Variants in PARD3B observed in about 807,000 individuals in gnomAD.
PARD3B encodes par-3 family cell polarity regulator beta, also known as partitioning defective 3 homolog B.
In PARD3B, 103 loss-of-function variants were observed where a neutral mutation model predicts 130.2. The observed-to-expected ratio is 0.79, with a 90% CI of 0.67 to 0.93. The LOEUF (loss-of-function observed/expected upper bound fraction) is 0.93. PARD3B is among the 40% of genes least tolerant of loss of function. PARD3B has a pLI of 0.00. For missense variants in PARD3B, 1,609 were observed against 1,499.2 expected, an observed-to-expected ratio of 1.07 and a Z score of -1.21; for synonymous variants, 583 against 553.2, an observed-to-expected ratio of 1.05 and a Z score of -0.76.
chr2:205,452,011 A>C (rs2048121352), intron 20 of PARD3B, among the ~76,000 whole-genome samples: 1 of 152,166 alleles, frequency 6.6e-6, no homozygotes, highest in South Asian at 2.1e-4. Context: ...GGGGACATAC[A>C]TTCCTAATTT....
At chr2:204,727,818 T>G (rs1405647198) in intron 2 of PARD3B, among the ~76,000 whole-genome samples, 1 of 152,118 alleles carries the variant, frequency 6.6e-6, no homozygotes, top group African/African-American at 2.4e-5. Flanking sequence ...GGGTGGAGAT[T>G]TTGGCCCTCT....
intron 16 of PARD3B, among the ~76,000 whole-genome samples, chr2:205,299,251 A>G (rs1304186667): frequency 1.3e-5 from 2 of 152,186 alleles, no homozygotes; most frequent in Non-Finnish European, 2.9e-5. Context: ...TAGTGTTCAT[A>G]GTGGCAGTGA....
chr2:205,140,498 T>C (rs1444203518), intron 10 of PARD3B, among the ~76,000 whole-genome samples: 2 of 151,180 alleles, frequency 1.3e-5, no homozygotes, highest in Admixed American at 6.6e-5. Flanking sequence ...TTTTTTTTTT[T>C]TTTTTTTAAA....
intron 3 of PARD3B, among the ~76,000 whole-genome samples, chr2:205,034,560 T>C (rs1160904620): frequency 1.3e-5 from 2 of 151,932 alleles, no homozygotes; most frequent in African/African-American, 2.4e-5. Context: ...TACAACTACA[T>C]ACACAAGACA....
chr2:204,945,298 T>C (rs2125812071), intron 2 of PARD3B, among the ~76,000 whole-genome samples: 1 of 152,228 alleles, frequency 6.6e-6, no homozygotes, highest in Middle Eastern at 3.4e-3. Flanking sequence ...TTGGGGTCAT[T>C]GATTGGTTCA....
At chr2:204,779,384 T>TA (rs2041758219) in intron 2 of PARD3B, among the ~76,000 whole-genome samples, 1 of 152,184 alleles carries the variant, frequency 6.6e-6, no homozygotes, top group Admixed American at 6.5e-5. Context: ...ACAGAACTGA[T>TA]ATGCATTGGT....
At chr2:204,931,053 ATTTATTGGCTGG>A (rs1462622302) in intron 2 of PARD3B, among the ~76,000 whole-genome samples, 2 of 151,536 alleles carry the variant, frequency 1.3e-5, no homozygotes, top group Non-Finnish European at 2.9e-5. Context: ...AAGCAGTTCC[ATTTATTGGCTGG>A]ATGCCGATAG....
At chr2:205,612,151 C>G (rs569765843) in intron 22 of PARD3B, among the ~76,000 whole-genome samples, 1 of 152,278 alleles carries the variant, frequency 6.6e-6, no homozygotes, top group Non-Finnish European at 1.5e-5. Context: ...GCTTATTTTC[C>G]CTGTTTCAAA....
intron 20 of PARD3B, among the ~76,000 whole-genome samples, chr2:205,477,084 G>A (rs1247372563): frequency 1.3e-5 from 2 of 152,186 alleles, no homozygotes; most frequent in African/African-American, 2.4e-5. Context: ...TTTTCAAACT[G>A]TGGGGTTTCA....
chr2:205,421,116 C>A lies in PARD3B; in HGVS notation c.2742-19254C>A, dbSNP rs1645859903. ...ACTACACTCCAGCCTGGTAACAGAG[C>A]AAGACTCCATCTCAAAAAACAAAAA... On this transcript the variant is annotated intron_variant, in intron 19 of 22. Transcript: ENST00000406610. The surrounding 1 kb of genome is among the most constrained non-coding windows in gnomAD (Gnocchi z 5.1). Among the ~76,000 whole-genome samples, 1 of 151,438 alleles carries A rather than the reference C, an allele frequency of 6.6e-6. No homozygotes were observed.
rs1218815544 is a variant in PARD3B, at chr2:205,096,782, A to G, written c.505-7644A>G. 5.3e-5 allele frequency among the ~76,000 whole-genome samples: 8 copies of G among 152,352 alleles called. No homozygotes were observed. The South Asian group carries it at 1.2e-3, about 24-fold the overall frequency. ...CAGGATTAGCAAGGGACTAGTTAGT[A>G]GAATATTTATGATCTAATCGTATTC... is the stretch of plus-strand genomic sequence containing the variant. On this transcript the variant is annotated intron_variant, in intron 4 of 22. Coordinates refer to ENST00000406610, the MANE Select transcript of PARD3B (RefSeq NM_001302769.2).
At chr2:204,999,481 G>C (rs1694644616) in intron 3 of PARD3B, among the ~76,000 whole-genome samples, 1 of 152,096 alleles carries the variant, frequency 6.6e-6, no homozygotes, top group Non-Finnish European at 1.5e-5. Flanking sequence ...ATTTAAAATT[G>C]AATTCTGAGC....
chr2:204,661,765 A>G (rs767011740), intron 1 of PARD3B, among the ~76,000 whole-genome samples: 1 of 152,218 alleles, frequency 6.6e-6, no homozygotes. Context: ...TCTTCTAAGA[A>G]CAAAAATCTT....
intron 5 of PARD3B, among the ~76,000 whole-genome samples, chr2:205,108,620 C>T (rs139407447): frequency 6.6e-6 from 1 of 152,134 alleles, no homozygotes; most frequent in East Asian, 1.9e-4. Flanking sequence ...TCCATCCCCT[C>T]ACCTATCTTT....
chr2:205,542,845 ATTT>A (rs902937713), intron 21 of PARD3B, among the ~76,000 whole-genome samples: 3 of 152,156 alleles, frequency 2.0e-5, no homozygotes, highest in Non-Finnish European at 4.4e-5. Flanking sequence ...TTTATAGTTT[ATTT>A]TTTATTTTGT....
chr2:205,372,785 G>A (rs2044873443), intron 18 of PARD3B, among the ~76,000 whole-genome samples: 1 of 152,148 alleles, frequency 6.6e-6, no homozygotes, highest in African/African-American at 2.4e-5. Context: ...TTCGAGAGCA[G>A]CCTGGGAAAC....
In PARD3B at chr2:205,292,409, G is replaced by A. The variant is rs915518682; in HGVS notation, c.2186-8121G>A. Among the ~76,000 whole-genome samples, 7 of 152,216 alleles carry A rather than the reference G, an allele frequency of 4.6e-5. No homozygotes were observed. The highest frequency in any genetic ancestry group is 2.1e-4 in the South Asian group (1 of 4,812). ...TGAACTTCCCAGCCTCCAGAACTGC[G>A]AGAAAATTCCATTGTTGATAAGCCA... On this transcript the variant is annotated intron_variant, in intron 16 of 22. Coordinates refer to ENST00000406610, the MANE Select transcript of PARD3B (RefSeq NM_001302769.2). This position sits in a 1 kb window ranked among gnomAD's most constrained non-coding sequence, Gnocchi z 5.3.
chr2:205,442,401 C>T (rs2047749437), intron 20 of PARD3B, among the ~76,000 whole-genome samples: 1 of 142,974 alleles, frequency 7.0e-6, no homozygotes, highest in Non-Finnish European at 1.5e-5. Flanking sequence ...TAGTTTTGAG[C>T]GTTTCTCCTG....
rs71029202 is a variant in PARD3B at position 204,643,115 on chromosome 2, CAA to C, written c.121-43046_121-43045del. ...GGCGACAGAGGGAGACTCTGTCTCACAAAAAAAAAAAAAAAAAAAAATGTTTG... is the reference window on the plus strand; with the variant it reads ...GGCGACAGAGGGAGACTCTGTCTCACAAAAAAAAAAAAAAAAAAATGTTTG... On this transcript the variant is annotated intron_variant, in intron 1 of 22. Coordinates refer to ENST00000406610, the MANE Select transcript of PARD3B (RefSeq NM_001302769.2). Among the ~76,000 whole-genome samples the C allele has an allele frequency of 1.5e-3, 49 of 31,804 alleles. 2 individuals are homozygous for C. The highest frequency in any genetic ancestry group is 5.2e-3 in the South Asian group (2 of 382). 20.9% of individuals were successfully genotyped at this position (31,804 alleles called of 152,430 possible).
Sources: allele counts gnomAD v4.1 joint callset (sites outside exome capture counted in the v4.1 genomes callset), GRCh38; gene constraint gnomAD v4.1.1; non-coding constraint Gnocchi (gnomAD v3.1); transcripts MANE v1.5; gene names NCBI Gene and HGNC (gene_info 2026-07-23, HGNC 2026-07-21).